LCLAT1: variants seen among roughly 807,000 people sequenced by gnomAD.
LCLAT1 encodes the protein lysocardiolipin acyltransferase 1.
In LCLAT1, 11 loss-of-function variants were observed where a neutral mutation model predicts 30.7. The ratio of observed to expected loss-of-function variants is 0.36; its 90% CI spans 0.23 to 0.59. LCLAT1 has a LOEUF of 0.59. Among genes scored for constraint, LCLAT1 ranks in the 20% least tolerant of loss-of-function variants. The pLI is 0.77. For synonymous variants in LCLAT1, 155 were observed against 151.3 expected (o/e 1.02, Z -0.18); for missense variants, 402 against 458.6 (o/e 0.88, Z 1.13).
At position 30,544,543 on chromosome 2, in the gene LCLAT1, T is replaced by C. The variant is rs543678075; in HGVS notation, c.364+11229T>C. Among the ~76,000 whole-genome samples the C allele has an allele frequency of 2.4e-4, 36 of 152,298 alleles. No homozygotes were observed. In the South Asian group the frequency reaches 7.2e-3, roughly 31 times the overall value. On this transcript the variant is annotated intron_variant, in intron 3 of 5. Coordinates refer to ENST00000379509, the MANE Select transcript of LCLAT1 (RefSeq NM_001002257.3). ...GTTATGCTGTTAGTAGCTTCCAGGT[T>C]GCAGCTGAGCTCCTGATCACTTGGT...
chr2:30,599,218 G>T (rs926242737), intron 5 of LCLAT1, among the ~76,000 whole-genome samples: 4 of 152,138 alleles, frequency 2.6e-5, no homozygotes, highest in Admixed American at 2.0e-4. Context: ...CTGACCTCAA[G>T]TGATCCGCCC....
chr2:30,605,355 C>A (rs530998575), intron 5 of LCLAT1, among the ~76,000 whole-genome samples: 1 of 152,316 alleles, frequency 6.6e-6, no homozygotes, highest in Admixed American at 6.5e-5. Context: ...GTAGTCTTGA[C>A]GTCAGTAGTC....
At chr2:30,525,819 C>A in intron 2 of LCLAT1, 64 bp downstream of exon 2, 1 of 1,406,720 alleles carries the variant, frequency 7.1e-7, no homozygotes, top group Non-Finnish European at 1.0e-6. Flanking sequence ...CTGATAGATA[C>A]CTAAATCCAT....
chr2:30,590,518 TTA>T (rs34008509), intron 5 of LCLAT1, among the ~76,000 whole-genome samples: 5 of 147,096 alleles, frequency 3.4e-5, no homozygotes, highest in Non-Finnish European at 3.0e-5. Flanking sequence ...TGGACATATT[TTA>T]TATATATATA....
At chr2:30,480,881 A>G (rs1017299265) in intron 1 of LCLAT1, among the ~76,000 whole-genome samples, 1 of 152,214 alleles carries the variant, frequency 6.6e-6, no homozygotes, top group Non-Finnish European at 1.5e-5. Flanking sequence ...AGGGAATGAC[A>G]GGTGGAAAAC....
At chr2:30,621,700 G>C (rs943717247) in intron 5 of LCLAT1, among the ~76,000 whole-genome samples, 2 of 152,092 alleles carry the variant, frequency 1.3e-5, no homozygotes, top group African/African-American at 4.8e-5. Context: ...ATGAATTTAA[G>C]AGAGCCAAGC....
At chr2:30,513,798 C>T (rs144301551) in intron 1 of LCLAT1, among the ~76,000 whole-genome samples, 3,216 of 152,274 alleles carry the variant, frequency 0.021, 58 homozygotes, top group Middle Eastern at 0.031. Flanking sequence ...TGTCTCTTAT[C>T]TACCTATGAC....
intron 1 of LCLAT1, among the ~76,000 whole-genome samples, chr2:30,448,268 A>G (rs1162441080): frequency 6.6e-6 from 1 of 152,226 alleles, no homozygotes; most frequent in Non-Finnish European, 1.5e-5. Context: ...TCATTAACTT[A>G]TTTGTTCAAA....
chr2:30,620,794 T>C (rs1471008994), intron 5 of LCLAT1, among the ~76,000 whole-genome samples: 1 of 152,192 alleles, frequency 6.6e-6, no homozygotes, highest in Non-Finnish European at 1.5e-5. Context: ...CGTTTTCTTA[T>C]AGTTCTGGAG....
chr2:30,540,809 C>T (rs1427531891), intron 3 of LCLAT1, among the ~76,000 whole-genome samples: 15 of 151,830 alleles, frequency 9.9e-5, no homozygotes, highest in African/African-American at 2.4e-4. Flanking sequence ...GGATTACAGG[C>T]GCCTGCCACC....
At chr2:30,620,419 C>G (rs904011567) in intron 5 of LCLAT1, among the ~76,000 whole-genome samples, 2 of 152,212 alleles carry the variant, frequency 1.3e-5, no homozygotes, top group African/African-American at 4.8e-5. Flanking sequence ...CATATAGCCT[C>G]TCTTCCTCAA....
At chr2:30,513,266 A>G (rs1172798400) in intron 1 of LCLAT1, among the ~76,000 whole-genome samples, 1 of 151,820 alleles carries the variant, frequency 6.6e-6, no homozygotes, top group Non-Finnish European at 1.5e-5. Flanking sequence ...ATATATAAAT[A>G]TACTGTTTGC....
At chr2:30,637,417 T>C (rs1301123943) in intron 5 of LCLAT1, among the ~76,000 whole-genome samples, 1 of 151,960 alleles carries the variant, frequency 6.6e-6, no homozygotes, top group African/African-American at 2.4e-5. Context: ...TGGAATAGGG[T>C]CTTTTTTAGA....
chr2:30,540,130 A>T (rs1408216806), intron 3 of LCLAT1, among the ~76,000 whole-genome samples: 1 of 152,206 alleles, frequency 6.6e-6, no homozygotes, highest in Non-Finnish European at 1.5e-5. Context: ...TTTCCCCAAA[A>T]CAGTCGTTAA....
intron 5 of LCLAT1, among the ~76,000 whole-genome samples, chr2:30,634,979 G>A (rs978911164): frequency 6.6e-6 from 1 of 152,224 alleles, no homozygotes; most frequent in Non-Finnish European, 1.5e-5. Context: ...AGAAGGTCTT[G>A]ATAGGATATG....
intron 5 of LCLAT1, among the ~76,000 whole-genome samples, chr2:30,624,846 C>T (rs1668430723): frequency 6.6e-6 from 1 of 152,088 alleles, no homozygotes. Context: ...GAACATTCTC[C>T]AAGATAGACT....
intron 5 of LCLAT1, among the ~76,000 whole-genome samples, chr2:30,617,575 G>T (rs1668053656): frequency 6.6e-6 from 1 of 152,198 alleles, no homozygotes; most frequent in Non-Finnish European, 1.5e-5. Flanking sequence ...TGGTTTTCCA[G>T]AGTGTGTAGA....
chr2:30,542,557 T>C (rs1179971616), intron 3 of LCLAT1, among the ~76,000 whole-genome samples: 2 of 152,174 alleles, frequency 1.3e-5, no homozygotes, highest in Non-Finnish European at 2.9e-5. Context: ...GCAGTTCTTT[T>C]AAATTTTTTT....
In LCLAT1 at chr2:30,628,261, CAT is replaced by C. The variant is rs202066246; in HGVS notation, c.629-11854_629-11853del. The stretch of plus-strand genomic sequence containing the variant: ...AAGAAAACTGAAATTTATTAGAAGA[CAT>C]AAAATAAGATTTGAGCAAAAGGAAA... On this transcript the variant is annotated intron_variant, in intron 5 of 5. Coordinates refer to ENST00000379509, the MANE Select transcript of LCLAT1 (RefSeq NM_001002257.3). 9.5e-4 allele frequency among the ~76,000 whole-genome samples: 145 copies of C among 152,120 alleles called. No individual in the cohort carries two copies. In the East Asian group the frequency reaches 0.025, roughly 27 times the overall value.
Sources: allele counts gnomAD v4.1 joint callset (sites outside exome capture counted in the v4.1 genomes callset), GRCh38; gene constraint gnomAD v4.1.1; transcripts MANE v1.5; gene names NCBI Gene and HGNC (gene_info 2026-07-23, HGNC 2026-07-21).